Variants in MLLT10 observed in about 807,000 individuals in gnomAD.
The protein encoded by MLLT10 is protein AF-10.
Under a neutral mutation model 129.1 loss-of-function variants are expected in MLLT10, and 30 were observed. The ratio of observed to expected loss-of-function variants is 0.23; its 90% CI spans 0.17 to 0.32. The LOEUF (loss-of-function observed/expected upper bound fraction) is 0.32. Ranked by LOEUF, MLLT10 falls within the 10% of genes least tolerant of loss-of-function variation. MLLT10 has a pLI of 1.00. For synonymous variants in MLLT10, 490 were observed against 446.4 expected (o/e 1.10, Z -1.23); for missense variants, 1,119 against 1,268.3 (o/e 0.88, Z 1.79).
intron 3 of MLLT10, among the ~76,000 whole-genome samples, chr10:21,585,175 C>T (rs1411792539): frequency 2.6e-5 from 4 of 151,888 alleles, no homozygotes; most frequent in Non-Finnish European, 5.9e-5. Context: ...CTACCTACCT[C>T]AGCCTCCCAA....
chr10:21,587,584 C>G (rs1319728728), intron 4 of MLLT10, among the ~76,000 whole-genome samples: 1 of 152,052 alleles, frequency 6.6e-6, no homozygotes, highest in African/African-American at 2.4e-5. Context: ...AATGTGTAGA[C>G]ATGAGTTTAT....
intron 22 of MLLT10, 140 bp downstream of exon 22, chr10:21,740,376 CA>C: frequency 2.2e-6 from 2 of 891,634 alleles, no homozygotes; most frequent in South Asian, 3.5e-5. Context: ...ATATTATAGG[CA>C]AAGGATCTAA....
chr10:21,678,436 C>T (rs1257506863), intron 11 of MLLT10, among the ~76,000 whole-genome samples: 1 of 152,006 alleles, frequency 6.6e-6, no homozygotes, highest in Non-Finnish European at 1.5e-5. Flanking sequence ...ATTTATTTTG[C>T]CAGTTTATGA....
At chr10:21,703,627 C>G (rs1367104147) in intron 13 of MLLT10, among the ~76,000 whole-genome samples, 1 of 152,056 alleles carries the variant, frequency 6.6e-6, no homozygotes, top group Non-Finnish European at 1.5e-5. Context: ...TCACTGCAAC[C>G]TCAGCCTGCC....
At chr10:21,534,609 A>T in intron 1 of MLLT10, 36 bp from the exon 2 acceptor site, 1 of 1,591,270 alleles carries the variant, frequency 6.3e-7, no homozygotes, top group Non-Finnish European at 8.6e-7. Context: ...ATCGGCTTGC[A>T]TGTGTTTTTT....
chr10:21,539,062 T>G, intron 3 of MLLT10, 150 bp downstream of exon 3: 1 of 518,500 alleles, frequency 1.9e-6, no homozygotes, highest in South Asian at 3.6e-5. Context: ...ACTTGGAGTA[T>G]TAAACAGATT....
At chr10:21,733,477 G>C in intron 18 of MLLT10, 27 bp from the exon 19 acceptor site, 1 of 1,359,246 alleles carries the variant, frequency 7.4e-7, no homozygotes, top group Non-Finnish European at 9.8e-7. Context: ...GGGTAAATAG[G>C]TTTCTTTTTG....
At chr10:21,559,676 T>C (rs1252062175) in intron 3 of MLLT10, among the ~76,000 whole-genome samples, 1 of 152,218 alleles carries the variant, frequency 6.6e-6, no homozygotes, top group Non-Finnish European at 1.5e-5. Context: ...TTGCCTAGTT[T>C]AGCTACTCAT....
Position 21,731,048 on chromosome 10 carries a change from A to G in MLLT10, c.2212A>G (p.Ser738Gly). Residue 738 changes from serine to glycine, a missense_variant, in exon 17 of 23, where the codon AGT (serine) becomes GGT (glycine). Around this residue, in one of 5 missense-constraint regions of MLLT10, gnomAD observed 1,004 missense variants for 1,008.7 expected, o/e 1.00. Coordinates refer to ENST00000307729, the MANE Select transcript of MLLT10 (RefSeq NM_001195626.3). ...QQFLLEQGTP[S>G]DILGMLKSLH... ...ATTTTTACTAGAACAGGGTACTCCT[A>G]GTGACAGTAAGTATTCATTTTCTTA... The G allele has an allele frequency of 6.2e-7, 1 of 1,606,644 alleles. No individual in the cohort carries two copies. Among genetic ancestry groups the G allele is most frequent in the Non-Finnish European group, 8.5e-7 (1 of 1,177,230 alleles).
chr10:21,726,364 T>G lies in MLLT10; in HGVS notation c.1990+9T>G. 1 of 1,579,088 alleles carries G rather than the reference T, an allele frequency of 6.3e-7. No homozygotes were observed. The highest frequency in any genetic ancestry group is 8.7e-7 in the Non-Finnish European group (1 of 1,150,350). On this transcript the variant is annotated intron_variant, in intron 15 of 22. Transcript: ENST00000307729. The stretch of plus-strand genomic sequence containing the variant: ...TGAAAACAATCAAACAGGTAAGTTT[T>G]CAAGAATTACTAACTCTAAAACCCT...
chr10:21,633,719 T>G (rs1258668703), intron 8 of MLLT10, among the ~76,000 whole-genome samples: 2 of 152,178 alleles, frequency 1.3e-5, no homozygotes, highest in Non-Finnish European at 2.9e-5. Flanking sequence ...CATTTGAGAA[T>G]TAGTTTTTCA....
chr10:21,600,386 C>G (rs1376775493), intron 5 of MLLT10, among the ~76,000 whole-genome samples: 1 of 151,858 alleles, frequency 6.6e-6, no homozygotes, highest in Admixed American at 6.6e-5. Flanking sequence ...CACACACACA[C>G]ACACACACAC....
At chr10:21,628,854 A>G (rs2046734490) in intron 8 of MLLT10, among the ~76,000 whole-genome samples, 2 of 149,658 alleles carry the variant, frequency 1.3e-5, no homozygotes, top group South Asian at 2.1e-4. Context: ...CACAAGTTCA[A>G]GCGATTGCCT....
chr10:21,629,785 C>T (rs1421215794), intron 8 of MLLT10, among the ~76,000 whole-genome samples: 1 of 152,032 alleles, frequency 6.6e-6, no homozygotes, highest in African/African-American at 2.4e-5. Flanking sequence ...TGAGGAAGTA[C>T]AGGTAGTGAG....
chr10:21,726,340 G>A lies in MLLT10; in HGVS notation c.1975G>A (p.Glu659Lys). 3 of 1,609,616 alleles carry A rather than the reference G, an allele frequency of 1.9e-6. No homozygotes were observed. Among genetic ancestry groups the A allele is most frequent in the Non-Finnish European group, 2.5e-6 (3 of 1,176,528 alleles). The change falls in exon 15 of 23, where the codon GAA (glutamate) becomes AAA (lysine). Residue 659 changes from glutamate (E) to lysine (K), a missense_variant. By Grantham distance (56) the Glu-to-Lys change is moderately conservative. Around this residue, in one of 5 missense-constraint regions of MLLT10, gnomAD observed 1,004 missense variants for 1,008.7 expected, o/e 1.00. Coordinates refer to ENST00000307729, the MANE Select transcript of MLLT10 (RefSeq NM_001195626.3). ...SSMAALIAQSENNQTDQDLGD... is the reference protein window; with the variant it reads ...SSMAALIAQSKNNQTDQDLGD... ...AATGGCAGCTCTTATAGCTCAGTCT[G>A]AAAACAATCAAACAGGTAAGTTTTC... is the stretch of plus-strand genomic sequence containing the variant.
rs965626857 is a variant in MLLT10 at position 21,626,269 on chromosome 10, G to C, written c.699+9062G>C. 8.8e-6 allele frequency: 13 copies of C among 1,476,208 alleles called. No homozygotes were observed. The Admixed American group carries it at 2.2e-4, about 25-fold the overall frequency. The allele number at this position is 1,476,208 out of a possible 1,614,324, so 91.4% of individuals were successfully genotyped here. A position where few individuals can be genotyped will look rare whatever the true frequency, so the allele number is the denominator to read the frequency against. Reference sequence around the variant, plus strand: ...CATCAATTGCTCTTTCATCAAGATCGATACAAGCTATCAATCCAGGGCAGA... The same window carrying C: ...CATCAATTGCTCTTTCATCAAGATCCATACAAGCTATCAATCCAGGGCAGA... On this transcript the variant is annotated intron_variant, in intron 8 of 22. Transcript: ENST00000307729.
intron 14 of MLLT10, among the ~76,000 whole-genome samples, chr10:21,725,013 TTGTATAGAA>T (rs2057382031): frequency 6.6e-6 from 1 of 152,224 alleles, no homozygotes; most frequent in Admixed American, 6.5e-5. Context: ...GAGTCCTGCA[TTGTATAGAA>T]AACATACTTG....
intron 3 of MLLT10, among the ~76,000 whole-genome samples, chr10:21,572,812 C>T (rs2040352487): frequency 6.6e-6 from 1 of 151,260 alleles, no homozygotes; most frequent in Non-Finnish European, 1.5e-5. Flanking sequence ...AGGGTTTCAC[C>T]ATTGTTGGCC....
chr10:21,740,701 C>T (rs919826287), intron 22 of MLLT10, among the ~76,000 whole-genome samples: 5 of 152,216 alleles, frequency 3.3e-5, no homozygotes, highest in Non-Finnish European at 5.9e-5. Context: ...ACAGTCACAT[C>T]TGTAATGGAA....
Sources: allele counts gnomAD v4.1 joint callset (sites outside exome capture counted in the v4.1 genomes callset), GRCh38; gene constraint gnomAD v4.1.1; regional missense constraint gnomAD v4.1.1; transcripts MANE v1.5; gene names NCBI Gene and HGNC (gene_info 2026-07-23, HGNC 2026-07-21).